The following NRXN3 variants were observed in gnomAD, a reference collection of about 807,000 sequenced individuals.
The protein encoded by NRXN3 is neurexin 3.
Under a neutral mutation model 137.6 loss-of-function variants are expected in NRXN3, and 32 were observed. The ratio of observed to expected loss-of-function variants is 0.23; its 90% confidence interval spans 0.18 to 0.31. NRXN3 has a LOEUF of 0.31. Among genes scored for constraint, NRXN3 ranks in the 10% least tolerant of loss-of-function variants. The pLI, the probability that NRXN3 is intolerant of heterozygous loss-of-function variation, is 1.00. For missense variants in NRXN3, 1,574 were observed against 2,062.5 expected (o/e 0.76, Z 4.59); for synonymous variants, 798 against 784.5 (o/e 1.02, Z -0.29).
chr14:79,171,759 T>C (rs1442829246), intron 15 of NRXN3, among the ~76,000 whole-genome samples: 1 of 152,144 alleles, frequency 6.6e-6, no homozygotes, highest in African/African-American at 2.4e-5. Context: ...AAATAGGCCC[T>C]ACATCTGAAT....
intron 15 of NRXN3, among the ~76,000 whole-genome samples, chr14:79,344,164 C>T (rs2092753692): frequency 6.6e-6 from 1 of 152,132 alleles, no homozygotes; most frequent in Admixed American, 6.5e-5. Flanking sequence ...TCTACTGAGG[C>T]AAGCCCTGAA....
At chr14:79,612,167 T>C (rs2098111605) in intron 16 of NRXN3, among the ~76,000 whole-genome samples, 1 of 152,204 alleles carries the variant, frequency 6.6e-6, no homozygotes, top group African/African-American at 2.4e-5. Context: ...ATTCTAGATG[T>C]TTTCCCCTTC....
chr14:79,677,907 T>A (rs1328723920), intron 17 of NRXN3, among the ~76,000 whole-genome samples: 1 of 152,128 alleles, frequency 6.6e-6, no homozygotes, highest in Non-Finnish European at 1.5e-5. Flanking sequence ...TGAAATGAGA[T>A]AGTGGTTGTA....
intron 20 of NRXN3, chr14:79,853,777 A>AAT: frequency 9.8e-7 from 1 of 1,022,570 alleles, no homozygotes; most frequent in Non-Finnish European, 1.2e-6. Flanking sequence ...AAGACAAAAA[A>AAT]ATATATATAT....
intron 16 of NRXN3, among the ~76,000 whole-genome samples, chr14:79,572,674 T>C (rs2097619113): frequency 1.3e-5 from 2 of 152,084 alleles, no homozygotes; most frequent in South Asian, 4.1e-4. Context: ...ATGCTAGAAA[T>C]TGGAGAAAAT....
At chr14:79,568,634 T>C (rs1291865657) in intron 16 of NRXN3, among the ~76,000 whole-genome samples, 1 of 152,200 alleles carries the variant, frequency 6.6e-6, no homozygotes, top group African/African-American at 2.4e-5. Flanking sequence ...ACTCCTCCTG[T>C]GGCTTTTATT....
chr14:78,533,261 T>A (rs779521250), intron 4 of NRXN3, among the ~76,000 whole-genome samples: 1 of 151,962 alleles, frequency 6.6e-6, no homozygotes, highest in South Asian at 2.1e-4. Flanking sequence ...AATTTTTGTA[T>A]TTTTAGTAGA....
chr14:78,378,527 AATGTAAC>A (rs2088367302), intron 4 of NRXN3, among the ~76,000 whole-genome samples: 1 of 152,054 alleles, frequency 6.6e-6, no homozygotes, highest in African/African-American at 2.4e-5. Flanking sequence ...ACCAAATGAA[AATGTAAC>A]ATATTAAAAT....
chr14:78,762,950 A>G (rs2098697418), intron 8 of NRXN3, among the ~76,000 whole-genome samples: 1 of 152,186 alleles, frequency 6.6e-6, no homozygotes, highest in Admixed American at 6.6e-5. Flanking sequence ...TGCTGTCCAG[A>G]GTTCTTCACC....
At chr14:78,833,396 T>G (rs10148547) in intron 10 of NRXN3, among the ~76,000 whole-genome samples, 1 of 152,082 alleles carries the variant, frequency 6.6e-6, no homozygotes, top group Admixed American at 6.5e-5. Flanking sequence ...CCTGTTGTCA[T>G]CTCTAGGGGA....
At chr14:79,195,169 G>A (rs2064982994) in intron 15 of NRXN3, among the ~76,000 whole-genome samples, 1 of 152,098 alleles carries the variant, frequency 6.6e-6, no homozygotes, top group African/African-American at 2.4e-5. Context: ...CCCATGACAA[G>A]ATGCTCCCAG....
intron 3 of NRXN3, among the ~76,000 whole-genome samples, chr14:78,295,550 T>C (rs1476245163): frequency 2.6e-5 from 4 of 152,206 alleles, no homozygotes. Flanking sequence ...GCATTTATTA[T>C]ATGATTTAAT....
At chr14:78,227,837 A>T (rs2064879916) in intron 1 of NRXN3, among the ~76,000 whole-genome samples, 1 of 152,200 alleles carries the variant, frequency 6.6e-6, no homozygotes, top group Non-Finnish European at 1.5e-5. Flanking sequence ...CTTGGCCAGG[A>T]AAACTGGGAT....
chr14:79,042,627 A>G lies in NRXN3; in HGVS notation c.3262+54486A>G. On this transcript the variant is annotated intron_variant, in intron 15 of 20. Coordinates refer to ENST00000335750, the MANE Select transcript of NRXN3 (RefSeq NM_001330195.2). ...AAATAGAATGGGAGTATGTATTATT[A>G]AATGTTAATTTTGAAATATAAGATT... Among the ~76,000 whole-genome samples the G allele has an allele frequency of 2.0e-5, 3 of 152,352 alleles. No individual in the cohort carries two copies. In the Middle Eastern group the frequency reaches 0.01, roughly 518 times the overall value.
intron 15 of NRXN3, chr14:79,279,458 C>T (rs1044466707): frequency 1.0e-6 from 1 of 986,178 alleles, no homozygotes; most frequent in Non-Finnish European, 1.2e-6. Context: ...TGCAGCCTGC[C>T]AGGCACCTCC....
chr14:79,152,203 C>T (rs899340622), intron 15 of NRXN3, among the ~76,000 whole-genome samples: 2 of 152,104 alleles, frequency 1.3e-5, no homozygotes, highest in East Asian at 1.9e-4. Flanking sequence ...GGGAGGACAG[C>T]GATAGAATGC....
At chr14:79,258,340 G>T (rs1261347946) in intron 15 of NRXN3, among the ~76,000 whole-genome samples, 1 of 152,056 alleles carries the variant, frequency 6.6e-6, no homozygotes, top group Non-Finnish European at 1.5e-5. Flanking sequence ...AAGCACCTGG[G>T]ATTACAGGTG....
chr14:79,202,062 G>A lies in NRXN3; in HGVS notation c.3262+213921G>A, dbSNP rs1179120157. On this transcript the variant is annotated intron_variant, in intron 15 of 20. Coordinates refer to ENST00000335750, the MANE Select transcript of NRXN3 (RefSeq NM_001330195.2). ...TTCCCTTGAGTAATCTGAGGAATGA[G>A]GTGTGTGTTATCTTTTTTTTTTTTT... Among the ~76,000 whole-genome samples the A allele has an allele frequency of 4.6e-5, 7 of 151,578 alleles. No homozygotes were observed. The South Asian group carries it at 1.5e-3, about 32-fold the overall frequency.
At chr14:79,773,842 A>G (rs898538578) in intron 19 of NRXN3, among the ~76,000 whole-genome samples, 19 of 151,432 alleles carry the variant, frequency 1.3e-4, no homozygotes, top group South Asian at 4.2e-4. Context: ...AAAAAAAAAA[A>G]AGAAATCAGG....
Sources: gnomAD v4.1 joint callset for allele counts (sites outside exome capture counted in the v4.1 genomes callset) on GRCh38, gnomAD v4.1.1 for gene constraint, MANE v1.5 for transcripts, NCBI Gene and HGNC (gene_info 2026-07-23, HGNC 2026-07-21) for gene names.